LRRC27: variants seen among roughly 807,000 people sequenced by gnomAD.
The protein encoded by LRRC27 is leucine rich repeat containing 27, also known as leucine-rich repeat-containing protein 27.
LRRC27 carries 57 observed loss-of-function variants against 55.0 expected under a neutral mutation model. That is an observed-to-expected ratio of 1.04 (90% CI 0.84 to 1.29). The LOEUF is 1.29. LRRC27 is among the 50% of genes most tolerant of loss of function. The pLI, the probability that LRRC27 is intolerant of heterozygous loss-of-function variation, is 0.00. For synonymous variants in LRRC27, 278 were observed against 251.9 expected, an observed-to-expected ratio of 1.10 and a Z score of -0.98; for missense variants, 721 against 651.5, an observed-to-expected ratio of 1.11 and a Z score of -1.16.
At chr10:132,337,049 T>G (rs978382308) in intron 2 of LRRC27, 8 of 1,289,550 alleles carry the variant, frequency 6.2e-6, no homozygotes, top group Non-Finnish European at 6.9e-6. Flanking sequence ...GCTGAGGCTT[T>G]GTTTGCTGCT....
chr10:132,355,484 G>T (rs1239946673), intron 7 of LRRC27, among the ~76,000 whole-genome samples: 1 of 152,214 alleles, frequency 6.6e-6, no homozygotes, highest in African/African-American at 2.4e-5. Context: ...CCCAGCTGGT[G>T]CCCTTACCTG....
Position 132,348,396 on chromosome 10 carries a change from C to T in LRRC27, c.926+40C>T, listed in dbSNP as rs774061297. The T allele has an allele frequency of 5.4e-5, 86 of 1,579,222 alleles. No individual in the cohort carries two copies. In the South Asian group the frequency reaches 8.8e-4, roughly 16 times the overall value. ...CAACGGGGGATTTTCTTGATCTTTG[C>T]GAATTTATACAGTTATTTTAAATTA... On this transcript the variant is annotated intron_variant, in intron 6 of 10. Coordinates refer to ENST00000368614, the MANE Select transcript of LRRC27 (RefSeq NM_030626.3). This position sits in a 1 kb window ranked among gnomAD's most constrained non-coding sequence, Gnocchi z 4.2.
chr10:132,358,882 G>A (rs3889182), intron 8 of LRRC27, among the ~76,000 whole-genome samples: 1 of 2,078 alleles, frequency 4.8e-4, no homozygotes. Context: ...GCAGTGTGGG[G>A]AGGAGCCGAG....
At chr10:132,337,796 C>G in intron 3 of LRRC27, 101 bp downstream of exon 3, 1 of 1,368,604 alleles carries the variant, frequency 7.3e-7, no homozygotes, top group Non-Finnish European at 1.0e-6. Flanking sequence ...ATTTTTACCT[C>G]GGAATAGAAA....
At chr10:132,335,373 G>C (rs972652738) in intron 2 of LRRC27, 3 of 152,284 alleles carry the variant, frequency 2.0e-5, no homozygotes, top group Non-Finnish European at 4.4e-5. Context: ...CATAGGCTGA[G>C]TACTATGGGG....
At chr10:132,364,797 C>CTCATGCTTACATCTACCT in intron 9 of LRRC27, among the ~76,000 whole-genome samples, 1 of 121,244 alleles carries the variant, frequency 8.2e-6, no homozygotes, top group African/African-American at 3.6e-5. Flanking sequence ...CACACTCACA[C>CTCATGCTTACATCTACCT]CCACCCACAC....
At chr10:132,351,407 G>A in intron 6 of LRRC27, 200 bp from the exon 7 acceptor site, 1 of 646,548 alleles carries the variant, frequency 1.5e-6, no homozygotes, top group Non-Finnish European at 2.7e-6. Context: ...ACAGTGTCCT[G>A]CTGCCATCCA....
chr10:132,357,337 C>T (rs1397369456), intron 8 of LRRC27, among the ~76,000 whole-genome samples: 1 of 152,304 alleles, frequency 6.6e-6, no homozygotes, highest in East Asian at 1.9e-4. Context: ...TTGCCACTTC[C>T]AGGAATAAAA....
intron 2 of LRRC27, among the ~76,000 whole-genome samples, chr10:132,336,388 G>C (rs1476585620): frequency 6.6e-6 from 1 of 152,224 alleles, no homozygotes; most frequent in Admixed American, 6.5e-5. Flanking sequence ...CGAGCCAGCT[G>C]CCAGCAAGCA....
chr10:132,331,583 C>A, upstream of LRRC27: 1 of 1,612,934 alleles, frequency 6.2e-7, no homozygotes, highest in South Asian at 1.1e-5. Flanking sequence ...CCAGGAAGCC[C>A]CAGGAGAGAC....
chr10:132,370,100 T>A (rs1432690441), intron 10 of LRRC27, among the ~76,000 whole-genome samples: 2 of 152,212 alleles, frequency 1.3e-5, no homozygotes, highest in African/African-American at 4.8e-5. Context: ...GAGCTTTCAG[T>A]CCAACCTGGG....
At chr10:132,347,014 T>C (rs2067735925) in intron 5 of LRRC27, among the ~76,000 whole-genome samples, 1 of 152,198 alleles carries the variant, frequency 6.6e-6, no homozygotes, top group South Asian at 2.1e-4. Flanking sequence ...GCTGGGCACG[T>C]GCTGGGAGAA....
chr10:132,342,379 T>A, intron 4 of LRRC27, 108 bp downstream of exon 4: 1 of 720,822 alleles, frequency 1.4e-6, no homozygotes, highest in Non-Finnish European at 2.2e-6. Context: ...CTAGATATTT[T>A]AAAAATCCTT....
intron 10 of LRRC27, among the ~76,000 whole-genome samples, chr10:132,370,272 G>T (rs537423365): frequency 4.6e-5 from 7 of 152,160 alleles, no homozygotes; most frequent in Admixed American, 4.6e-4. Context: ...CACCAGCACC[G>T]GCTCCTGTCG....
At chr10:132,364,519 GCA>G (rs1564853898) in intron 9 of LRRC27, among the ~76,000 whole-genome samples, 223 of 7,768 alleles carry the variant, frequency 0.029, 54 homozygotes, top group Admixed American at 0.043. Flanking sequence ...CTCCACACTC[GCA>G]CTTACACCCA....
Position 132,348,497 on chromosome 10 carries a change from C to T in LRRC27, c.926+141C>T, listed in dbSNP as rs534565221. ...GTTTACTGTGCAGTGAGTGCCGGTC[C>T]CAGGTTTAGGGTAACGGGGACCCGC... On this transcript the variant is annotated intron_variant, in intron 6 of 10. Transcript: ENST00000368614. This position sits in a 1 kb window ranked among gnomAD's most constrained non-coding sequence, Gnocchi z 4.2. 24 of 1,196,824 alleles carry T rather than the reference C, an allele frequency of 2.0e-5. No individual in the cohort carries two copies. In the East Asian group the frequency reaches 5.4e-4, roughly 27 times the overall value. The allele number at this position is 1,196,824 out of a possible 1,614,324, so 74.1% of individuals were successfully genotyped here. A position where few individuals can be genotyped will look rare whatever the true frequency, so the allele number is the denominator to read the frequency against.
At chr10:132,334,605 T>G (rs1590579870) in intron 2 of LRRC27, among the ~76,000 whole-genome samples, 1 of 152,350 alleles carries the variant, frequency 6.6e-6, no homozygotes, top group Non-Finnish European at 1.5e-5. Flanking sequence ...CTGCTTAAGT[T>G]ATAAACTCTA....
At chr10:132,331,871 G>A (rs2066772546), upstream of LRRC27, 4 of 1,280,370 alleles carry the variant, frequency 3.1e-6, no homozygotes, top group Non-Finnish European at 4.3e-6. Context: ...CCGCGTGCGT[G>A]CGCAGGCGCA....
chr10:132,364,818 C>G (rs79580845), intron 9 of LRRC27, among the ~76,000 whole-genome samples: 363 of 11,588 alleles, frequency 0.031, 6 homozygotes, highest in South Asian at 0.14. Flanking sequence ...TTACACCCAC[C>G]CTTACATCTA....
Sources: allele counts gnomAD v4.1 joint callset (sites outside exome capture counted in the v4.1 genomes callset), GRCh38; gene constraint gnomAD v4.1.1; non-coding constraint Gnocchi (gnomAD v3.1); transcripts MANE v1.5; gene names NCBI Gene and HGNC (gene_info 2026-07-23, HGNC 2026-07-21).